Variants in IL7 observed in about 807,000 individuals in gnomAD.
IL7 encodes the protein interleukin-7.
A neutral mutation model predicts 21.6 loss-of-function variants in IL7; 3 were observed. The observed-to-expected ratio is 0.14, with a 90% CI of 0.06 to 0.36. The LOEUF is 0.36. IL7 is among the 10% of genes least tolerant of loss of function. IL7 has a pLI of 1.00. For missense variants in IL7, 175 were observed against 200.2 expected, an observed-to-expected ratio of 0.87 and a Z score of 0.76; for synonymous variants, 62 against 68.1, an observed-to-expected ratio of 0.91 and a Z score of 0.44.
chr8:78,702,936 G>A (rs891327801), intron 3 of IL7, among the ~76,000 whole-genome samples: 12 of 151,884 alleles, frequency 7.9e-5, no homozygotes, highest in African/African-American at 1.7e-4. Context: ...TCACTCTGTC[G>A]CCCAGGCTAT....
At chr8:78,770,733 T>C (rs11987638) in intron 2 of IL7, among the ~76,000 whole-genome samples, 14,614 of 151,964 alleles carry the variant, frequency 0.096, 776 homozygotes, top group Middle Eastern at 0.15. Flanking sequence ...GTGAGATAGG[T>C]AGGAAGATAG....
chr8:78,770,410 T>C, intron 2 of IL7, among the ~76,000 whole-genome samples: 1 of 152,086 alleles, frequency 6.6e-6, no homozygotes, highest in Non-Finnish European at 1.5e-5. Flanking sequence ...TCGACATGTT[T>C]CCCCTCTCTT....
chr8:78,765,836 G>T (rs554034858), intron 2 of IL7, among the ~76,000 whole-genome samples: 2 of 152,044 alleles, frequency 1.3e-5, no homozygotes, highest in Non-Finnish European at 2.9e-5. Context: ...TATACCCAAA[G>T]AATTTGAAAA....
chr8:78,700,119 C>T (rs1176559310), intron 3 of IL7, among the ~76,000 whole-genome samples: 3 of 152,144 alleles, frequency 2.0e-5, no homozygotes, highest in African/African-American at 7.2e-5. Context: ...CACAACCTCA[C>T]CAGTGTCTGT....
chr8:78,702,974 G>A (rs913267520), intron 3 of IL7, among the ~76,000 whole-genome samples: 2 of 152,096 alleles, frequency 1.3e-5, no homozygotes, highest in African/African-American at 4.8e-5. Flanking sequence ...TTGGCTCGCT[G>A]CAACCTCTGC....
chr8:78,731,964 G>C (rs1436174713), downstream of IL7, among the ~76,000 whole-genome samples: 1 of 151,948 alleles, frequency 6.6e-6, no homozygotes, highest in Non-Finnish European at 1.5e-5. Flanking sequence ...CACTGTTAGG[G>C]AACATTATAG....
At chr8:78,748,322 T>C (rs1812050801) in intron 2 of IL7, among the ~76,000 whole-genome samples, 1 of 152,226 alleles carries the variant, frequency 6.6e-6, no homozygotes, top group South Asian at 2.1e-4. Flanking sequence ...GGCTATTACA[T>C]AGTCAGTGCT....
chr8:78,771,767 G>T (rs979282872), intron 2 of IL7, among the ~76,000 whole-genome samples: 2 of 151,968 alleles, frequency 1.3e-5, no homozygotes, highest in Admixed American at 1.3e-4. Flanking sequence ...TCAGCCTGGA[G>T]GATTCAAAAA....
At chr8:78,737,632 G>A (rs1811637117) in intron 4 of IL7, among the ~76,000 whole-genome samples, 1 of 152,110 alleles carries the variant, frequency 6.6e-6, no homozygotes, top group African/African-American at 2.4e-5. Flanking sequence ...TTTTATCACT[G>A]TCAATAGGAT....
At chr8:78,802,824 A>T (rs1307140958) in intron 1 of IL7, among the ~76,000 whole-genome samples, 2 of 152,214 alleles carry the variant, frequency 1.3e-5, no homozygotes, top group Non-Finnish European at 2.9e-5. Context: ...GCACTGAACT[A>T]CATTGCTTCC....
intron 2 of IL7, among the ~76,000 whole-genome samples, chr8:78,745,196 T>C (rs1586062932): frequency 6.6e-6 from 1 of 152,244 alleles, no homozygotes; most frequent in African/African-American, 2.4e-5. Context: ...AATTTCAGCA[T>C]AGTTTTCTTC....
downstream of IL7, among the ~76,000 whole-genome samples, chr8:78,730,753 G>C (rs556497408): frequency 2.0e-5 from 3 of 151,926 alleles, no homozygotes; most frequent in East Asian, 5.8e-4. Context: ...AATTCTTTTA[G>C]GGTAGATAAA....
intron 2 of IL7, among the ~76,000 whole-genome samples, chr8:78,768,398 G>C (rs1812831593): frequency 6.7e-6 from 1 of 149,490 alleles, no homozygotes; most frequent in South Asian, 2.1e-4. Context: ...CAGTGTAAAA[G>C]TGTTCCTATT....
rs1811451379 is a variant in IL7, at chr8:78,732,810, T to C, written c.*903A>G. ...CATTTATTTTATCAAAGGAGAAATGTATTCCAAAGTAAGCAATTTGTAATG... is the reference window on the plus strand; with the variant it reads ...CATTTATTTTATCAAAGGAGAAATGCATTCCAAAGTAAGCAATTTGTAATG... On this transcript the variant is annotated 3_prime_UTR_variant, in exon 6 of 6. Transcript: ENST00000263851. 1 of 152,158 alleles carries C rather than the reference T, an allele frequency of 6.6e-6. No individual in the cohort carries two copies. The highest frequency in any genetic ancestry group is 1.9e-4 in the East Asian group (1 of 5,206). 9.4% of individuals were successfully genotyped at this position (152,158 alleles called of 1,614,324 possible).
chr8:78,800,189 T>C (rs1040261027), intron 1 of IL7, among the ~76,000 whole-genome samples: 7 of 152,222 alleles, frequency 4.6e-5, no homozygotes, highest in Non-Finnish European at 7.3e-5. Flanking sequence ...ACTTTCTGAG[T>C]CATTTCACTT....
Position 78,804,683 on chromosome 8 carries a change from T to C in IL7, c.10+230A>G, listed in dbSNP as rs531647320. Among the ~76,000 whole-genome samples, 610 of 152,288 alleles carry C rather than the reference T, an allele frequency of 4.0e-3. 9 individuals are homozygous for C. Among genetic ancestry groups the C allele is most frequent in the African/African-American group, 0.014 (590 of 41,576 alleles). Reference sequence around the variant, plus strand: ...ACAGAAAGCAGGCGTTGGGGACTGTTACTCGCAGCCTGCCAGGGGCAGCAG... The same window carrying C: ...ACAGAAAGCAGGCGTTGGGGACTGTCACTCGCAGCCTGCCAGGGGCAGCAG... On this transcript the variant is annotated intron_variant, in intron 1 of 5. Coordinates refer to ENST00000263851, the MANE Select transcript of IL7 (RefSeq NM_000880.4).
At chr8:78,675,674 C>A, downstream of IL7, 1 of 985,116 alleles carries the variant, frequency 1.0e-6, no homozygotes. Flanking sequence ...TGCAGTAAAA[C>A]ATTTTTCACA....
intron 4 of IL7, among the ~76,000 whole-genome samples, chr8:78,680,024 A>G (rs1247935596): frequency 2.0e-5 from 3 of 152,088 alleles, no homozygotes; most frequent in Non-Finnish European, 4.4e-5. Flanking sequence ...TTTAACTTTC[A>G]CTTTGCTACA....
exon 5 of IL7, chr8:78,675,997 G>T (rs538054253): frequency 7.0e-4 from 429 of 610,230 alleles, no homozygotes; most frequent in Middle Eastern, 9.7e-4. Context: ...TTGTTCAAGG[G>T]TCTTGATTTC....
Sources: allele counts gnomAD v4.1 joint callset (sites outside exome capture counted in the v4.1 genomes callset), GRCh38; gene constraint gnomAD v4.1.1; transcripts MANE v1.5; gene names NCBI Gene and HGNC (gene_info 2026-07-23, HGNC 2026-07-21).